DOK7: variants seen among roughly 807,000 people sequenced by gnomAD.
The protein encoded by DOK7 is protein Dok-7.
Under a neutral mutation model 30.7 loss-of-function variants are expected in DOK7, and 32 were observed. That is an observed-to-expected ratio of 1.04 (90% CI 0.79 to 1.40). The LOEUF is 1.40. Among genes scored for constraint, DOK7 ranks in the 40% most tolerant of loss-of-function variants. DOK7 has a pLI of 0.00. For synonymous variants in DOK7, 447 were observed against 324.1 expected (o/e 1.38, Z -4.07); for missense variants, 1,007 against 699.2 (o/e 1.44, Z -4.97).
intron 6 of DOK7, among the ~76,000 whole-genome samples, chr4:3,490,111 C>CTTATTCATTCCTTTCTTCACCCCCTT (rs199921650): frequency 3.8e-4 from 9 of 23,810 alleles, no homozygotes; most frequent in African/African-American, 1.9e-3. Flanking sequence ...TCTTCACCCC[C>CTTATTCATTCCTTTCTTCACCCCCTT]ATTCATTCCT....
chr4:3,485,388 T>G, intron 4 of DOK7, 151 bp from the exon 5 acceptor site: 7 of 1,042,798 alleles, frequency 6.7e-6, no homozygotes, highest in South Asian at 2.4e-5. Flanking sequence ...CCAGGCGGGG[T>G]GTCGGCTCTG....
intron 2 of DOK7, among the ~76,000 whole-genome samples, chr4:3,468,051 CAT>C (rs1267689924): frequency 6.6e-6 from 1 of 152,240 alleles, no homozygotes; most frequent in South Asian, 2.1e-4. Flanking sequence ...GCACTGAGTG[CAT>C]GAGTGCACGC....
At chr4:3,501,177 G>T (rs2109448200) in exon 8 of DOK7, 1 of 315,410 alleles carries the variant, frequency 3.2e-6, no homozygotes, top group Non-Finnish European at 5.9e-6. Flanking sequence ...TGGTGCCTGG[G>T]ATGCAAACCG....
intron 2 of DOK7, among the ~76,000 whole-genome samples, chr4:3,468,654 A>C (rs1372092704): frequency 7.4e-6 from 1 of 135,416 alleles, no homozygotes; most frequent in African/African-American, 2.7e-5. Context: ...GTGTGCATGT[A>C]TGAGTGTGTG....
chr4:3,498,826 C>A (rs930081817), downstream of DOK7, among the ~76,000 whole-genome samples: 1 of 152,252 alleles, frequency 6.6e-6, no homozygotes, highest in African/African-American at 2.4e-5. Flanking sequence ...GGAGGGGGGT[C>A]TCCCCAGGGC....
chr4:3,464,262 C>T (rs902081431), intron 2 of DOK7, among the ~76,000 whole-genome samples: 74 of 152,294 alleles, frequency 4.9e-4, no homozygotes, highest in South Asian at 6.2e-4. Context: ...GGGGGCTGTA[C>T]GCCAGGGGGC....
At chr4:3,485,743 C>T in intron 5 of DOK7, 85 bp downstream of exon 5, 1 of 1,386,934 alleles carries the variant, frequency 7.2e-7, no homozygotes, top group Non-Finnish European at 9.4e-7. Context: ...AGTGATTTGT[C>T]AGCCCCAGTT....
intron 2 of DOK7, among the ~76,000 whole-genome samples, chr4:3,469,130 T>C (rs1267562343): frequency 1.4e-5 from 2 of 147,420 alleles, no homozygotes; most frequent in Non-Finnish European, 3.0e-5. Flanking sequence ...ACACATTGTG[T>C]GTGTGCGTGT....
In DOK7 at chr4:3,493,998, CT is replaced by C. The variant is rs34564851; in HGVS notation, c.*498del. The C allele has an allele frequency of 0.35, 345,591 of 992,496 alleles. 60,906 individuals carry two copies. Among genetic ancestry groups the C allele is most frequent in the South Asian group, 0.54 (11,573 of 21,516 alleles). 61.5% of individuals were successfully genotyped at this position (992,496 alleles called of 1,614,324 possible). ...CCTGGGCTCCACCAGCCCAGCCCCC[CT>C]GGGCTCCGTGTGCGCTGGGCCTCAT... On this transcript the variant is annotated 3_prime_UTR_variant, in exon 7 of 7. Transcript: ENST00000340083.
downstream of DOK7, chr4:3,496,891 C>G: frequency 7.2e-7 from 1 of 1,389,698 alleles, no homozygotes; most frequent in Non-Finnish European, 9.4e-7. Context: ...TCCCCCAGAG[C>G]TCGGGGACAG....
intron 5 of DOK7, 59 bp downstream of exon 5, chr4:3,485,717 CG>C: frequency 1.4e-6 from 2 of 1,440,228 alleles, no homozygotes. Flanking sequence ...TGCGACGTCC[CG>C]GGGCGGGGGG....
Position 3,493,550 on chromosome 4 carries a change from A to G in DOK7, c.*49A>G, listed in dbSNP as rs1454377371. The G allele has an allele frequency of 3.1e-6, 5 of 1,593,478 alleles. No individual in the cohort carries two copies. Among genetic ancestry groups the G allele is most frequent in the Non-Finnish European group, 4.3e-6 (5 of 1,170,098 alleles). ...CTGCAAAGGGGCTGAATTTGCCCCC[A>G]GATGGCAGAGGAAGTGGCGCCAGCC... is the stretch of plus-strand genomic sequence containing the variant. On this transcript the variant is annotated 3_prime_UTR_variant, in exon 7 of 7. Coordinates refer to ENST00000340083, the MANE Select transcript of DOK7 (RefSeq NM_173660.5).
rs71180187 is a variant in DOK7 at position 3,463,450 on chromosome 4, C to CGGG, written c.54+31_54+33dup. 1.4e-4 allele frequency: 176 copies of CGGG among 1,230,486 alleles called. No individual in the cohort carries two copies. The highest frequency in any genetic ancestry group is 5.3e-4 in the African/African-American group (24 of 45,470). The allele number at this position is 1,230,486 out of a possible 1,614,324, so 76.2% of individuals were successfully genotyped here. A position where few individuals can be genotyped will look rare whatever the true frequency, so the allele number is the denominator to read the frequency against. On this transcript the variant is annotated intron_variant, in intron 1 of 6. Coordinates refer to ENST00000340083, the MANE Select transcript of DOK7 (RefSeq NM_173660.5). The stretch of plus-strand genomic sequence containing the variant: ...AGAAGGTCGGGGCGCGTCGGGGGCG[C>CGGG]GGGGGGGGGGGGCGCGGGCGCGGGC...
chr4:3,474,951 A>G (rs1247941653), intron 3 of DOK7, among the ~76,000 whole-genome samples: 3 of 152,190 alleles, frequency 2.0e-5, no homozygotes, highest in African/African-American at 7.2e-5. Context: ...TTTGATCAGC[A>G]TGGACTCTGC....
Position 3,490,157 on chromosome 4 carries a change from CTG to C in DOK7, c.772+362_772+363del, listed in dbSNP as rs1560225924. ...CTCATTCATTCCTTCCTTCCCCACCCTGCTCATTCATTTCTTCCTCCGCCCCC... is the reference window on the plus strand; with the variant it reads ...CTCATTCATTCCTTCCTTCCCCACCCCTCATTCATTTCTTCCTCCGCCCCC... On this transcript the variant is annotated intron_variant, in intron 6 of 6. Transcript: ENST00000340083. Among the ~76,000 whole-genome samples, 14 of 79,830 alleles carry C rather than the reference CTG, an allele frequency of 1.8e-4. 2 individuals carry two copies. Among genetic ancestry groups the C allele is most frequent in the Admixed American group, 1.4e-4 (1 of 7,184 alleles). 52.4% of individuals were successfully genotyped at this position (79,830 alleles called of 152,430 possible).
At chr4:3,486,287 C>T (rs897636219) in intron 5 of DOK7, among the ~76,000 whole-genome samples, 1 of 152,172 alleles carries the variant, frequency 6.6e-6, no homozygotes, top group Non-Finnish European at 1.5e-5. Context: ...CGGTGGGGCT[C>T]CCCAGGTCGG....
At chr4:3,498,957 T>C (rs1729058688), downstream of DOK7, among the ~76,000 whole-genome samples, 4 of 152,194 alleles carry the variant, frequency 2.6e-5, no homozygotes, top group South Asian at 8.3e-4. Context: ...GCCTGCAGAA[T>C]CAGCGAGTCA....
downstream of DOK7, chr4:3,496,942 T>C: frequency 3.2e-6 from 1 of 308,956 alleles, no homozygotes; most frequent in Middle Eastern, 4.4e-4. Flanking sequence ...CAGCCAGAGT[T>C]TGACTAGATG....
rs773612095 is a variant in DOK7 at position 3,493,009 on chromosome 4, C to T, written c.1023C>T (p.Ala341=). 30 of 1,564,130 alleles carry T rather than the reference C, an allele frequency of 1.9e-5. No homozygotes were observed. The African/African-American group carries it at 2.0e-4, about 11-fold the overall frequency. The part of the protein sequence containing the change: ...GRQSSSDSGI[A]TGSHSSYSSS... ...AGAGCTCCTCGGACAGCGGCATCGC[C>T]ACTGGCAGCCACTCCTCTTACTCCA... The change falls in exon 7 of 7, where the codon GCC becomes GCT. Residue 341 remains alanine, a synonymous_variant. Transcript: ENST00000340083.
Sources: gnomAD v4.1 joint callset for allele counts (sites outside exome capture counted in the v4.1 genomes callset) on GRCh38, gnomAD v4.1.1 for gene constraint, MANE v1.5 for transcripts, NCBI Gene and HGNC (gene_info 2026-07-23, HGNC 2026-07-21) for gene names.